The following GABRR3 variants were observed in gnomAD, a reference collection of about 807,000 sequenced individuals.
GABRR3 encodes the protein gamma-aminobutyric acid type A receptor subunit rho3, also known as gamma-aminobutyric acid receptor subunit rho-3.
In GABRR3, 29 loss-of-function variants were observed where a neutral mutation model predicts 43.2. The ratio of observed to expected loss-of-function variants is 0.67; its 90% CI spans 0.50 to 0.92. GABRR3 has a LOEUF of 0.92. Among genes scored for constraint, GABRR3 ranks in the 40% least tolerant of loss-of-function variants. GABRR3 has a pLI of 0.00. For missense variants in GABRR3, 576 were observed against 572.3 expected, an observed-to-expected ratio of 1.01 and a Z score of -0.07; for synonymous variants, 206 against 195.9, an observed-to-expected ratio of 1.05 and a Z score of -0.43.
intron 2 of GABRR3, 174 bp downstream of exon 2, chr3:98,034,689 C>T (rs144380561): frequency 1.1e-4 from 32 of 292,814 alleles, no homozygotes; most frequent in African/African-American, 6.4e-4. Flanking sequence ...ATTGCTCTTT[C>T]GGATGTCAAA....
chr3:98,007,623 G>C (rs747483676), intron 7 of GABRR3, 141 bp downstream of exon 7: 20 of 830,732 alleles, frequency 2.4e-5, no homozygotes, highest in Non-Finnish European at 2.5e-5. Context: ...GGTGGAGCTT[G>C]CTCCCTGTAA....
intron 2 of GABRR3, among the ~76,000 whole-genome samples, chr3:98,029,372 G>A (rs73851435): frequency 0.012 from 1,856 of 152,282 alleles, 32 homozygotes; most frequent in African/African-American, 0.043. Context: ...GCAGAGGTCT[G>A]GGAGGAGGGA....
chr3:97,992,425 C>T (rs771935453), intron 9 of GABRR3, among the ~76,000 whole-genome samples: 6 of 152,020 alleles, frequency 3.9e-5, no homozygotes, highest in East Asian at 3.8e-4. Flanking sequence ...TAAATGAGGG[C>T]GATAAAATAC....
chr3:98,023,295 C>G (rs1486499420), intron 3 of GABRR3, among the ~76,000 whole-genome samples: 2 of 152,120 alleles, frequency 1.3e-5, no homozygotes, highest in Non-Finnish European at 2.9e-5. Flanking sequence ...AGGATAGGAG[C>G]GAGTTTAACT....
intron 5 of GABRR3, among the ~76,000 whole-genome samples, chr3:98,011,627 T>C (rs1559777952): frequency 6.6e-6 from 1 of 152,064 alleles, no homozygotes; most frequent in African/African-American, 2.4e-5. Context: ...TCTTTTTTGG[T>C]CATATATGAT....
At chr3:97,997,190 G>T (rs1369240065) in intron 8 of GABRR3, among the ~76,000 whole-genome samples, 1 of 152,184 alleles carries the variant, frequency 6.6e-6, no homozygotes, top group African/African-American at 2.4e-5. Context: ...GAGAGACCAT[G>T]TGTGCTTGGA....
intron 9 of GABRR3, among the ~76,000 whole-genome samples, chr3:97,989,707 G>A (rs1361128580): frequency 1.3e-5 from 2 of 151,960 alleles, no homozygotes; most frequent in African/African-American, 4.8e-5. Context: ...TCCTCCATTT[G>A]GTGTCCGCAT....
intron 4 of GABRR3, among the ~76,000 whole-genome samples, chr3:98,013,882 T>C (rs190231240): frequency 6.6e-6 from 1 of 152,240 alleles, no homozygotes; most frequent in Admixed American, 6.5e-5. Flanking sequence ...AAACACTGAG[T>C]TTATGCAGTC....
At chr3:98,010,748 T>C (rs1383528977) in intron 5 of GABRR3, among the ~76,000 whole-genome samples, 4 of 152,228 alleles carry the variant, frequency 2.6e-5, no homozygotes, top group Admixed American at 1.3e-4. Context: ...GTTCTGCTCC[T>C]GATTCCTGTT....
At chr3:97,996,862 A>G (rs1005104791) in intron 8 of GABRR3, among the ~76,000 whole-genome samples, 1 of 152,174 alleles carries the variant, frequency 6.6e-6, no homozygotes, top group Non-Finnish European at 1.5e-5. Flanking sequence ...TTTACCTGAA[A>G]CATGGCAAAT....
At chr3:97,986,683 T>G in exon 10 of GABRR3, 1 of 1,507,558 alleles carries the variant, frequency 6.6e-7, no homozygotes. Flanking sequence ...AAATTCCCCT[T>G]CATACATATA....
chr3:98,007,684 G>C, intron 7 of GABRR3, 80 bp downstream of exon 7: 6 of 1,500,100 alleles, frequency 4.0e-6, no homozygotes, highest in Non-Finnish European at 4.6e-6. Context: ...TTGGATTCCG[G>C]TCTTTTCGCA....
At chr3:98,030,420 T>C (rs1707073469) in intron 2 of GABRR3, among the ~76,000 whole-genome samples, 1 of 152,216 alleles carries the variant, frequency 6.6e-6, no homozygotes, top group Non-Finnish European at 1.5e-5. Context: ...CATTATGGTG[T>C]CTATGAAGCA....
intron 5 of GABRR3, among the ~76,000 whole-genome samples, chr3:98,011,770 T>A (rs1706794580): frequency 6.6e-6 from 1 of 152,176 alleles, no homozygotes; most frequent in African/African-American, 2.4e-5. Flanking sequence ...CAAACATTTT[T>A]AGAATTATCC....
chr3:97,986,639 A>T (rs1024851641), downstream of GABRR3: 12 of 1,325,888 alleles, frequency 9.1e-6, no homozygotes, highest in African/African-American at 1.2e-4. Flanking sequence ...TTTTGTTTTT[A>T]AACATCATCT....
intron 3 of GABRR3, among the ~76,000 whole-genome samples, chr3:98,019,561 A>T (rs934287786): frequency 6.6e-6 from 1 of 152,060 alleles, no homozygotes; most frequent in Non-Finnish European, 1.5e-5. Context: ...ATATTGGATC[A>T]ATTACTATAT....
chr3:98,029,440 T>C (rs1707059607), intron 2 of GABRR3, among the ~76,000 whole-genome samples: 1 of 152,158 alleles, frequency 6.6e-6, no homozygotes, highest in South Asian at 2.1e-4. Flanking sequence ...GAGGACATAG[T>C]AGTCAAAGGA....
chr3:98,006,922 G>A (rs1294081765), intron 7 of GABRR3, among the ~76,000 whole-genome samples: 2 of 152,102 alleles, frequency 1.3e-5, no homozygotes, highest in African/African-American at 4.8e-5. Flanking sequence ...GCCCAATTTT[G>A]GATAGGTTTT....
intron 3 of GABRR3, among the ~76,000 whole-genome samples, chr3:98,018,356 T>C (rs1447669684): frequency 1.3e-5 from 2 of 152,182 alleles, no homozygotes; most frequent in Non-Finnish European, 2.9e-5. Context: ...CAGGCTGCAT[T>C]TGTGAAGAAG....
Sources: allele counts gnomAD v4.1 joint callset (sites outside exome capture counted in the v4.1 genomes callset), GRCh38; gene constraint gnomAD v4.1.1; transcripts MANE v1.5; gene names NCBI Gene and HGNC (gene_info 2026-07-23, HGNC 2026-07-21).